RBFOX1: variants seen among roughly 807,000 people sequenced by gnomAD.
RBFOX1 encodes the protein RNA binding fox-1 homolog 1.
RBFOX1 carries 8 observed loss-of-function variants against 57.7 expected under a neutral mutation model. The ratio of observed to expected loss-of-function variants is 0.14; its 90% CI spans 0.08 to 0.25. The LOEUF (loss-of-function observed/expected upper bound fraction) is 0.25. RBFOX1 is among the 10% of genes least tolerant of loss of function. The pLI, the probability that RBFOX1 is intolerant of heterozygous loss-of-function variation, is 1.00. For synonymous variants in RBFOX1, 326 were observed against 222.4 expected (o/e 1.47, Z -4.15); for missense variants, 611 against 548.5 (o/e 1.11, Z -1.14).
At chr16:7,255,348 T>A (rs1478192988) in intron 4 of RBFOX1, among the ~76,000 whole-genome samples, 1 of 152,206 alleles carries the variant, frequency 6.6e-6, no homozygotes, top group African/African-American at 2.4e-5. Context: ...AGGATGTTAA[T>A]TGCAGAGTTG....
intron 3 of RBFOX1, among the ~76,000 whole-genome samples, chr16:6,863,725 CTTTTTTTTTTTT>C (rs71408412): frequency 3.4e-4 from 23 of 67,768 alleles, no homozygotes; most frequent in African/African-American, 1.4e-3. Flanking sequence ...GATGCCTGCG[CTTTTTTTTTTTT>C]TTTTTTTTTT....
At chr16:6,041,606 C>T (rs1424982021) in intron 1 of RBFOX1, among the ~76,000 whole-genome samples, 1 of 152,092 alleles carries the variant, frequency 6.6e-6, no homozygotes, top group Non-Finnish European at 1.5e-5. Flanking sequence ...AGTGGCAGAG[C>T]CAGGATGCAA....
At chr16:6,199,628 C>T (rs553817510) in intron 1 of RBFOX1, among the ~76,000 whole-genome samples, 2 of 152,128 alleles carry the variant, frequency 1.3e-5, no homozygotes, top group Non-Finnish European at 1.5e-5. Context: ...ATAATACTTA[C>T]CTGATGCAGA....
intron 4 of RBFOX1, among the ~76,000 whole-genome samples, chr16:7,427,222 A>G (rs1282216774): frequency 6.6e-6 from 1 of 152,166 alleles, no homozygotes; most frequent in Admixed American, 6.5e-5. Context: ...TATGTAACAA[A>G]CCTGCATGTT....
intron 4 of RBFOX1, among the ~76,000 whole-genome samples, chr16:7,221,378 T>C (rs962667735): frequency 5.9e-5 from 9 of 151,798 alleles, no homozygotes; most frequent in Non-Finnish European, 1.3e-4. Context: ...TTTATTTATT[T>C]ATTTATGAGA....
intron 3 of RBFOX1, among the ~76,000 whole-genome samples, chr16:5,806,539 T>G (rs534229789): frequency 8.5e-5 from 13 of 152,268 alleles, no homozygotes; most frequent in South Asian, 2.1e-4. Context: ...AGGATGAACT[T>G]TCAACAGGAA....
chr16:6,563,449 T>G (rs919267166), intron 2 of RBFOX1, among the ~76,000 whole-genome samples: 12 of 152,104 alleles, frequency 7.9e-5, no homozygotes, highest in Non-Finnish European at 1.5e-4. Context: ...GTTATTGAGA[T>G]GTAAGTCAAA....
At chr16:5,990,353 A>C (rs1347610067) in intron 4 of RBFOX1, among the ~76,000 whole-genome samples, 2 of 152,194 alleles carry the variant, frequency 1.3e-5, no homozygotes, top group Non-Finnish European at 2.9e-5. Flanking sequence ...GGCCTTGGGC[A>C]ATGAACTATA....
chr16:6,470,196 T>G (rs1381251618), intron 2 of RBFOX1, among the ~76,000 whole-genome samples: 2 of 152,196 alleles, frequency 1.3e-5, no homozygotes, highest in Admixed American at 6.5e-5. Context: ...GCTGTTTGTC[T>G]TAGAGAATAT....
In RBFOX1 at chr16:7,447,143, CACTT is replaced by C. The variant is rs111452868; in HGVS notation, c.28-71001_28-70998del. Among the ~76,000 whole-genome samples, 768 of 152,054 alleles carry C rather than the reference CACTT, an allele frequency of 5.1e-3. 5 individuals are homozygous for C. The highest frequency in any genetic ancestry group is 0.017 in the African/African-American group (704 of 41,490). On this transcript the variant is annotated intron_variant, in intron 4 of 15. Coordinates refer to ENST00000550418, the MANE Select transcript of RBFOX1 (RefSeq NM_018723.4). ...TAGGTCTGGGTTTTATGAGATGTGA[CACTT>C]ACAGAATTTGGGAGCCCTCCGTAAG...
intron 1 of RBFOX1, among the ~76,000 whole-genome samples, chr16:5,364,391 G>T (rs1221014203): frequency 6.6e-6 from 1 of 152,164 alleles, no homozygotes; most frequent in African/African-American, 2.4e-5. Flanking sequence ...AGGAAAACAA[G>T]CCAGTTGCCA....
chr16:7,457,354 A>T (rs2058730061), intron 4 of RBFOX1, among the ~76,000 whole-genome samples: 1 of 152,210 alleles, frequency 6.6e-6, no homozygotes, highest in Admixed American at 6.5e-5. Context: ...CCAGTTCTGA[A>T]TTCCAGAATG....
chr16:6,870,576 C>T (rs2060692526), intron 3 of RBFOX1, among the ~76,000 whole-genome samples: 2 of 152,120 alleles, frequency 1.3e-5, no homozygotes, highest in South Asian at 4.1e-4. Flanking sequence ...GTTTTAATTT[C>T]AGGTTTGACT....
chr16:7,104,901 C>T (rs1380366768), intron 4 of RBFOX1, among the ~76,000 whole-genome samples: 1 of 152,032 alleles, frequency 6.6e-6, no homozygotes, highest in Non-Finnish European at 1.5e-5. Flanking sequence ...GGTACAGCCC[C>T]AACCATATTC....
intron 3 of RBFOX1, among the ~76,000 whole-genome samples, chr16:6,990,362 T>A (rs2091219173): frequency 6.6e-6 from 1 of 152,016 alleles, no homozygotes; most frequent in Non-Finnish European, 1.5e-5. Flanking sequence ...CCATTTCTAC[T>A]AAAAATACAA....
chr16:7,275,049 G>A (rs2095413904), intron 4 of RBFOX1, among the ~76,000 whole-genome samples: 1 of 152,146 alleles, frequency 6.6e-6, no homozygotes, highest in Non-Finnish European at 1.5e-5. Flanking sequence ...GAAGGGTGGT[G>A]GAGAGGATAG....
rs375587035 is a variant in RBFOX1, at chr16:6,147,278, A to G, written c.-127+127286A>G. On this transcript the variant is annotated intron_variant, in intron 1 of 15. Coordinates refer to ENST00000550418, the MANE Select transcript of RBFOX1 (RefSeq NM_018723.4). ...GTTGATGGTGGTGATTGTTTTTCAT[A>G]CTTTTCCTTCCTTACCATTCTGTGC... Among the ~76,000 whole-genome samples, 79 of 152,172 alleles carry G rather than the reference A, an allele frequency of 5.2e-4. 1 individual carries two copies. The highest frequency in any genetic ancestry group is 1.8e-3 in the African/African-American group (73 of 41,542).
intron 3 of RBFOX1, among the ~76,000 whole-genome samples, chr16:5,692,547 G>T (rs374782689): frequency 6.6e-6 from 1 of 152,178 alleles, no homozygotes; most frequent in East Asian, 1.9e-4. Flanking sequence ...GCTGTACCCG[G>T]TCTCCTAATG....
Position 6,930,833 on chromosome 16 carries a change from A to G in RBFOX1, c.-15-121224A>G, listed in dbSNP as rs542216121. ...GTCTATGAGCAAATGTCATCTTGTA[A>G]GAGAATGTTCTGGATCAATCTTAAC... On this transcript the variant is annotated intron_variant, in intron 3 of 15. Coordinates refer to ENST00000550418, the MANE Select transcript of RBFOX1 (RefSeq NM_018723.4). 1.9e-3 allele frequency among the ~76,000 whole-genome samples: 291 copies of G among 152,262 alleles called. 2 individuals carry two copies. Among genetic ancestry groups the G allele is most frequent in the Non-Finnish European group, 3.8e-3 (261 of 68,016 alleles).
Sources: allele counts gnomAD v4.1 joint callset (sites outside exome capture counted in the v4.1 genomes callset), GRCh38; gene constraint gnomAD v4.1.1; transcripts MANE v1.5; gene names NCBI Gene and HGNC (gene_info 2026-07-23, HGNC 2026-07-21).